The following EXPH5 variants were observed in gnomAD, a reference collection of about 807,000 sequenced individuals.
EXPH5 encodes the protein exophilin-5.
EXPH5 carries 42 observed loss-of-function variants against 41.1 expected under a neutral mutation model. The ratio of observed to expected loss-of-function variants is 1.02; its 90% CI spans 0.80 to 1.32. The LOEUF (loss-of-function observed/expected upper bound fraction) is 1.32, where lower values mean the gene tolerates loss of function less well. Ranked by LOEUF, EXPH5 falls within the 40% of genes most tolerant of loss-of-function variation. EXPH5 has a pLI of 0.00. For synonymous variants in EXPH5, 798 were observed against 833.5 expected, an observed-to-expected ratio of 0.96 and a Z score of 0.73; for missense variants, 2,298 against 2,314.5, an observed-to-expected ratio of 0.99 and a Z score of 0.15.
At chr11:108,519,748 GGAAAAAAA>G (rs1274240770) in intron 4 of EXPH5, among the ~76,000 whole-genome samples, 1 of 148,004 alleles carries the variant, frequency 6.8e-6, no homozygotes, top group East Asian at 2.0e-4. Context: ...ACTCTGTCTT[GGAAAAAAA>G]GAAAAAAAGA....
intron 5 of EXPH5, among the ~76,000 whole-genome samples, chr11:108,515,611 CT>C (rs2093719868): frequency 8.5e-5 from 13 of 152,202 alleles, no homozygotes; most frequent in African/African-American, 2.9e-4. Flanking sequence ...GTCACACAAA[CT>C]TAGAAGGTTG....
Position 108,512,193 on chromosome 11 carries a change from C to T in EXPH5, c.3314G>A (p.Ser1105Asn). Reference protein sequence around the residue: ...ATERMTNVKSSGSTSVRKGPL... With the variant: ...ATERMTNVKSNGSTSVRKGPL... ...TCCTTTTCTAACGGAAGTAGATCCA[C>T]TGCTTTTTACATTTGTCATTCTCTC... Residue 1105 changes from serine (S) to asparagine (N), a missense_variant, in exon 6 of 6, where the codon AGT (serine) becomes AAT (asparagine). Coordinates refer to ENST00000265843, the MANE Select transcript of EXPH5 (RefSeq NM_015065.3). 1 of 1,609,520 alleles carries T rather than the reference C, an allele frequency of 6.2e-7. No homozygotes were observed. Among genetic ancestry groups the T allele is most frequent in the Non-Finnish European group, 8.5e-7 (1 of 1,178,226 alleles).
At position 108,509,798 on chromosome 11, in the gene EXPH5, C is replaced by A; in HGVS notation, c.5709G>T (p.Arg1903Ser). 1.2e-6 allele frequency: 2 copies of A among 1,613,160 alleles called. No homozygotes were observed. Among genetic ancestry groups the A allele is most frequent in the Non-Finnish European group, 1.7e-6 (2 of 1,179,742 alleles). ...TCCATAATCTTCCTTGTGTAAGTGA[C>A]CTCTTTACATTTTCTAAGAAAGCTA... ...QQLAFLENVK[R>S]SLTQGRLWKP... Residue 1903 changes from arginine (R) to serine (S), a missense_variant, in exon 6 of 6, where the codon AGG (arginine) becomes AGT (serine). Coordinates refer to ENST00000265843, the MANE Select transcript of EXPH5 (RefSeq NM_015065.3).
chr11:108,545,038 A>G (rs12286855), intron 1 of EXPH5, among the ~76,000 whole-genome samples: 4,159 of 152,092 alleles, frequency 0.027, 177 homozygotes, highest in African/African-American at 0.091. Context: ...GACAGAAATC[A>G]GTAATATTAT....
intron 4 of EXPH5, among the ~76,000 whole-genome samples, chr11:108,526,536 C>T (rs370044762): frequency 6.6e-6 from 1 of 152,156 alleles, no homozygotes; most frequent in African/African-American, 2.4e-5. Flanking sequence ...CTAGGAAAAC[C>T]GAGAGTACAG....
intron 4 of EXPH5, among the ~76,000 whole-genome samples, chr11:108,525,297 G>A (rs1228102113): frequency 6.6e-6 from 1 of 152,192 alleles, no homozygotes; most frequent in African/African-American, 2.4e-5. Context: ...TGGACAAAAA[G>A]CCCAGTGTAA....
chr11:108,561,997 T>G (rs772382806), intron 1 of EXPH5, among the ~76,000 whole-genome samples: 2 of 152,172 alleles, frequency 1.3e-5, no homozygotes, highest in Non-Finnish European at 2.9e-5. Flanking sequence ...TGATCAACAT[T>G]CCGGTTCCTG....
At position 108,514,863 on chromosome 11, in the gene EXPH5, A is replaced by C. The variant is rs770110995; in HGVS notation, c.644T>G (p.Leu215Trp). Reference sequence around the variant, plus strand: ...CTGTTCCTGAGCCAATTTGCTATCCAAGTCATCTAAAACTGAAAAGAGAAT... The same window carrying C: ...CTGTTCCTGAGCCAATTTGCTATCCCAGTCATCTAAAACTGAAAAGAGAAT... ...ENEFFQVLDD[L>W]DSKLAQEQSA... The change falls in exon 6 of 6, where the codon TTG becomes TGG. Residue 215 changes from leucine to tryptophan, a missense_variant. Transcript: ENST00000265843. The C allele has an allele frequency of 1.9e-5, 28 of 1,456,614 alleles. No individual in the cohort carries two copies. The East Asian group carries it at 6.5e-4, about 34-fold the overall frequency. 90.2% of individuals were successfully genotyped at this position (1,456,614 alleles called of 1,614,324 possible). A position where few individuals can be genotyped will look rare whatever the true frequency, so the allele number is the denominator to read the frequency against.
chr11:108,529,196 T>C (rs1166720451), intron 3 of EXPH5, among the ~76,000 whole-genome samples: 6 of 152,172 alleles, frequency 3.9e-5, no homozygotes, highest in Non-Finnish European at 7.4e-5. Flanking sequence ...GATGCTGACT[T>C]CTATAAAGAT....
intron 1 of EXPH5, among the ~76,000 whole-genome samples, chr11:108,589,650 G>C (rs1447044877): frequency 6.6e-6 from 1 of 152,166 alleles, no homozygotes; most frequent in African/African-American, 2.4e-5. Context: ...ACGTTTATGA[G>C]CTGTGTGACC....
rs983720236 is a variant in EXPH5, at chr11:108,510,932, T to C, written c.4575A>G (p.Ser1525=). The C allele has an allele frequency of 1.2e-6, 2 of 1,614,144 alleles. No individual in the cohort carries two copies. Among genetic ancestry groups the C allele is most frequent in the East Asian group, 4.5e-5 (2 of 44,890 alleles). ...HKLQLGEETQ[S]DEPNLESLQS... Reference sequence around the variant, plus strand: ...GCAGACTCTCTAAGTTTGGTTCATCTGACTGAGTCTCCTCACCAAGCTGTA... The same window carrying C: ...GCAGACTCTCTAAGTTTGGTTCATCCGACTGAGTCTCCTCACCAAGCTGTA... The change falls in exon 6 of 6, where the codon TCA becomes TCG. Residue 1525 remains serine, a synonymous_variant. Coordinates refer to ENST00000265843, the MANE Select transcript of EXPH5 (RefSeq NM_015065.3).
intron 1 of EXPH5, among the ~76,000 whole-genome samples, chr11:108,587,196 A>G (rs904550934): frequency 6.6e-6 from 1 of 152,192 alleles, no homozygotes; most frequent in African/African-American, 2.4e-5. Context: ...ATATGCATAC[A>G]TGTGCCATGC....
rs557526601 is a variant in EXPH5, at chr11:108,552,368, T to C, written c.120-10556A>G. ...AGCAAGTATATTGAAAAATGTGTTC[T>C]TTTCATAAGGGTAAAGTTAAATCAT... is the stretch of plus-strand genomic sequence containing the variant. On this transcript the variant is annotated intron_variant, in intron 1 of 5. Transcript: ENST00000265843. 3.9e-5 allele frequency among the ~76,000 whole-genome samples: 6 copies of C among 152,208 alleles called. No homozygotes were observed. In the South Asian group the frequency reaches 1.2e-3, roughly 32 times the overall value.
At position 108,509,574 on chromosome 11, in the gene EXPH5, T is replaced by C; in HGVS notation, c.5933A>G (p.Tyr1978Cys). The change falls in exon 6 of 6, where the codon TAC becomes TGC. Residue 1978 changes from tyrosine (Y) to cysteine (C), a missense_variant. Coordinates refer to ENST00000265843, the MANE Select transcript of EXPH5 (RefSeq NM_015065.3). ...CTCTTTGTCATTTTCATCCAGGTAGTATTCATCATCTGTGGTTGTGTCTGT... is the reference window on the plus strand; with the variant it reads ...CTCTTTGTCATTTTCATCCAGGTAGCATTCATCATCTGTGGTTGTGTCTGT... ...CDTDTTTDDEYYLDENDKESE... is the reference protein window; with the variant it reads ...CDTDTTTDDECYLDENDKESE... The C allele has an allele frequency of 6.3e-7, 1 of 1,582,150 alleles. No homozygotes were observed. Among genetic ancestry groups the C allele is most frequent in the Non-Finnish European group, 8.6e-7 (1 of 1,169,476 alleles).
chr11:108,581,341 A>G (rs1387491516), intron 1 of EXPH5, among the ~76,000 whole-genome samples: 1 of 152,060 alleles, frequency 6.6e-6, no homozygotes, highest in Non-Finnish European at 1.5e-5. Flanking sequence ...GTATGCATAT[A>G]TATAGTTTCA....
chr11:108,542,186 C>A (rs995753493), intron 1 of EXPH5, among the ~76,000 whole-genome samples: 1 of 152,100 alleles, frequency 6.6e-6, no homozygotes, highest in African/African-American at 2.4e-5. Flanking sequence ...AGCCTCAATG[C>A]ACTCTTTAAA....
In EXPH5 at chr11:108,512,660, A is replaced by C; in HGVS notation, c.2847T>G (p.Pro949=). The C allele has an allele frequency of 6.2e-7, 1 of 1,614,184 alleles. No individual in the cohort carries two copies. The part of the protein sequence containing the change: ...HSENQERNDS[P]VPTHDEVVDV... ...CAACCACTTCATCATGTGTAGGCACAGGACTATCATTTCTCTCTTGGTTTT... is the reference window on the plus strand; with the variant it reads ...CAACCACTTCATCATGTGTAGGCACCGGACTATCATTTCTCTCTTGGTTTT... The change falls in exon 6 of 6, where the codon CCT becomes CCG. Residue 949 remains proline, a synonymous_variant. Transcript: ENST00000265843.
rs371272956 is a variant in EXPH5, at chr11:108,573,070, A to AAG, written c.119+20346_119+20347dup. 6.3e-3 allele frequency among the ~76,000 whole-genome samples: 923 copies of AAG among 147,556 alleles called. 10 individuals carry two copies. The highest frequency in any genetic ancestry group is 7.1e-3 in the Non-Finnish European group (474 of 66,730). On this transcript the variant is annotated intron_variant, in intron 1 of 5. Coordinates refer to ENST00000265843, the MANE Select transcript of EXPH5 (RefSeq NM_015065.3). Reference sequence around the variant, plus strand: ...GTCTCAAAAAAATGTTGAAAAAAATAAGAGAGAGAGAGAGAGAGAAAGGAA... The same window carrying AAG: ...GTCTCAAAAAAATGTTGAAAAAAATAAGAGAGAGAGAGAGAGAGAGAAAGGAA...
intron 4 of EXPH5, among the ~76,000 whole-genome samples, chr11:108,521,265 G>A (rs1252049556): frequency 6.6e-6 from 1 of 152,046 alleles, no homozygotes; most frequent in Admixed American, 6.6e-5. Flanking sequence ...TCCATAACAG[G>A]TCTGTCTGAT....
Sources: allele counts gnomAD v4.1 joint callset (sites outside exome capture counted in the v4.1 genomes callset), GRCh38; gene constraint gnomAD v4.1.1; transcripts MANE v1.5; gene names NCBI Gene and HGNC (gene_info 2026-07-23, HGNC 2026-07-21).